Variants in METTL25B observed in about 807,000 individuals in gnomAD.
METTL25B encodes methyltransferase-like protein 25B.
A neutral mutation model predicts 48.4 loss-of-function variants in METTL25B; 38 were observed. That is an observed-to-expected ratio of 0.78 (90% CI 0.61 to 1.03). METTL25B has a LOEUF of 1.03. Among genes scored for constraint, METTL25B ranks in the 50% least tolerant of loss-of-function variants. The pLI is 0.00. For synonymous variants in METTL25B, 230 were observed against 254.5 expected (o/e 0.90, Z 0.92); for missense variants, 537 against 603.7 (o/e 0.89, Z 1.16).
chr1:156,730,115 A>G (rs1022144116), intron 1 of METTL25B, among the ~76,000 whole-genome samples: 1 of 152,274 alleles, frequency 6.6e-6, no homozygotes, highest in African/African-American at 2.4e-5. Context: ...GCCATTACCA[A>G]TTCTTCACTG....
intron 1 of METTL25B, 161 bp downstream of exon 1, chr1:156,729,376 T>C: frequency 2.0e-6 from 1 of 511,082 alleles, no homozygotes; most frequent in South Asian, 2.8e-5. Context: ...TGATCCCTCC[T>C]TTTTTTTCAG....
intron 1 of METTL25B, among the ~76,000 whole-genome samples, chr1:156,730,916 G>C (rs1649228915): frequency 6.6e-6 from 1 of 152,202 alleles, no homozygotes; most frequent in Admixed American, 6.5e-5. Flanking sequence ...GTACCTGGCC[G>C]AGAAGGTGTT....
At chr1:156,734,563 GCT>G (rs1264783889) in intron 6 of METTL25B, 70 bp downstream of exon 6, 28 of 1,442,012 alleles carry the variant, frequency 1.9e-5, no homozygotes, top group Non-Finnish European at 2.6e-5. Flanking sequence ...ATGGAGTCTG[GCT>G]CTGTTGCCCA....
In METTL25B at chr1:156,732,477, AG is replaced by A; in HGVS notation, c.429+6del. The A allele has an allele frequency of 6.2e-7, 1 of 1,612,784 alleles. No individual in the cohort carries two copies. ...TGAGATCCGGAGGCTGGGAGAGGTGAGGAGATGGCTGGAGCATGGGTGGTGT... is the reference window on the plus strand; with the variant it reads ...TGAGATCCGGAGGCTGGGAGAGGTGAGAGATGGCTGGAGCATGGGTGGTGT... On this transcript the variant is annotated splice_donor_5th_base_variant and intron_variant, in intron 3 of 7. Coordinates refer to ENST00000368216, the MANE Select transcript of METTL25B (RefSeq NM_015997.4).
Position 156,733,360 on chromosome 1 carries a change from C to A in METTL25B, c.493-17C>A, listed in dbSNP as rs572028992. On this transcript the variant is annotated splice_polypyrimidine_tract_variant and intron_variant, in intron 4 of 7. Coordinates refer to ENST00000368216, the MANE Select transcript of METTL25B (RefSeq NM_015997.4). ...GGGCACTGAACAGGGCTGTTTCCAT[C>A]CTCCTCGTGACTCCAGGGCCATCTC... 13 of 1,613,862 alleles carry A rather than the reference C, an allele frequency of 8.1e-6. No homozygotes were observed. The South Asian group carries it at 1.4e-4, about 18-fold the overall frequency.
chr1:156,734,536 C>CTT (rs746525460), intron 6 of METTL25B, 43 bp downstream of exon 6: 242 of 1,203,864 alleles, frequency 2.0e-4, no homozygotes, highest in Middle Eastern at 4.5e-4. Flanking sequence ...GAGGAGATTT[C>CTT]TTTTTTTTTT....
Position 156,732,111 on chromosome 1 carries a change from G to A in METTL25B, c.232G>A (p.Val78Ile), listed in dbSNP as rs770542884. Residue 78 changes from valine (V) to isoleucine (I), a missense_variant, in exon 2 of 8, where the codon GTC becomes ATC. Physicochemically the swap from Val to Ile is conservative, Grantham distance 29. Transcript: ENST00000368216. ...GGGGATGCCTGGGGAAGGGGAGGTCGTCAGGTATGGGCTAGAAGGTCCCTG... is the reference window on the plus strand; with the variant it reads ...GGGGATGCCTGGGGAAGGGGAGGTCATCAGGTATGGGCTAGAAGGTCCCTG... Reference protein sequence around the residue: ...LLGMPGEGEVVRYRSVWPLTL... With the variant: ...LLGMPGEGEVIRYRSVWPLTL... The A allele has an allele frequency of 3.5e-5, 56 of 1,614,070 alleles. No individual in the cohort carries two copies. Among genetic ancestry groups the A allele is most frequent in the Middle Eastern group, 1.6e-4 (1 of 6,078 alleles).
rs556659140 is a variant in METTL25B at position 156,734,842 on chromosome 1, T to C, written c.1121+349T>C. The stretch of plus-strand genomic sequence containing the variant: ...CACCGCACCCGGCCTGGAGGGGAGA[T>C]TTCTAACGGAGATCTTCTACCCTCA... On this transcript the variant is annotated intron_variant, in intron 6 of 7. Coordinates refer to ENST00000368216, the MANE Select transcript of METTL25B (RefSeq NM_015997.4). 3.7e-4 allele frequency among the ~76,000 whole-genome samples: 4 copies of C among 10,890 alleles called. 1 individual carries two copies. Among genetic ancestry groups the C allele is most frequent in the East Asian group, 0.056 (2 of 36 alleles). 7.1% of individuals were successfully genotyped at this position (10,890 alleles called of 152,430 possible). A position where few individuals can be genotyped will look rare whatever the true frequency, so the allele number is the denominator to read the frequency against.
intron 6 of METTL25B, 101 bp from the exon 7 acceptor site, chr1:156,735,624 A>G: frequency 1.4e-6 from 1 of 738,780 alleles, no homozygotes; most frequent in East Asian, 3.4e-5. Context: ...TGGGGTAGAA[A>G]ATAAAGCAAA....
At chr1:156,736,524 G>T in intron 7 of METTL25B, 108 bp from the exon 8 acceptor site, 2 of 1,375,606 alleles carry the variant, frequency 1.5e-6, no homozygotes, top group African/African-American at 1.4e-5. Context: ...CCTTAGCCCC[G>T]CTGGATCCTC....
Position 156,733,421 on chromosome 1 carries a change from G to A in METTL25B, c.537G>A (p.Val179=), listed in dbSNP as rs1649457298. The A allele has an allele frequency of 6.2e-7, 1 of 1,614,056 alleles. No homozygotes were observed. Among genetic ancestry groups the A allele is most frequent in the Non-Finnish European group, 8.5e-7 (1 of 1,179,950 alleles). The change falls in exon 5 of 8, where the codon GTG becomes GTA. Residue 179 remains valine (V), a synonymous_variant. Coordinates refer to ENST00000368216, the MANE Select transcript of METTL25B (RefSeq NM_015997.4). Reference sequence around the variant, plus strand: ...TGGCTCTTGGCCTGGGGTTGATGGTGAAGAGCATCGAAGGGGATCAGAGAC... The same window carrying A: ...TGGCTCTTGGCCTGGGGTTGATGGTAAAGAGCATCGAAGGGGATCAGAGAC... The part of the protein sequence containing the change: ...RFMALGLGLM[V]KSIEGDQRLV...
At chr1:156,731,623 T>C (rs1248472474) in intron 1 of METTL25B, among the ~76,000 whole-genome samples, 2 of 152,238 alleles carry the variant, frequency 1.3e-5, no homozygotes, top group African/African-American at 4.8e-5. Context: ...GTACTAATAC[T>C]GTGTGTCAGT....
intron 3 of METTL25B, 63 bp from the exon 4 acceptor site, chr1:156,732,922 T>C: frequency 2.9e-6 from 4 of 1,377,402 alleles, no homozygotes; most frequent in African/African-American, 1.4e-5. Flanking sequence ...ACTCTCAGTA[T>C]GGGTGTTTGC....
At chr1:156,733,070 T>A (rs769788078) in intron 4 of METTL25B, 23 bp downstream of exon 4, 52 of 1,610,242 alleles carry the variant, frequency 3.2e-5, no homozygotes, top group African/African-American at 4.0e-5. Flanking sequence ...CTTGATGTAC[T>A]GTTTTTTTGA....
rs1648975659 is a variant in METTL25B, at chr1:156,728,979, G to C, written c.-126G>C. The C allele has an allele frequency of 1.7e-6, 1 of 578,644 alleles. No homozygotes were observed. 35.8% of individuals were successfully genotyped at this position (578,644 alleles called of 1,614,324 possible). ...CCCGGAAAGGCAGCGTCGGAGACTG[G>C]ACCCAAAACTCTTCCTGTTCTGCCT... On this transcript the variant is annotated 5_prime_UTR_variant, in exon 1 of 8. Transcript: ENST00000368216.
chr1:156,735,717 TC>T lies in METTL25B; in HGVS notation c.1122-5del, dbSNP rs1279687035. 1 of 1,593,466 alleles carries T rather than the reference TC, an allele frequency of 6.3e-7. No homozygotes were observed. Among genetic ancestry groups the T allele is most frequent in the African/African-American group, 1.4e-5 (1 of 73,404 alleles). On this transcript the variant is annotated splice_polypyrimidine_tract_variant and splice_region_variant and intron_variant, in intron 6 of 7. Coordinates refer to ENST00000368216, the MANE Select transcript of METTL25B (RefSeq NM_015997.4). The stretch of plus-strand genomic sequence containing the variant: ...CAAACTGAGTGCTGAATGTGACTGA[TC>T]CCACAGATATGTGCAGCGGGGGCTA...
intron 1 of METTL25B, among the ~76,000 whole-genome samples, chr1:156,729,955 TCAA>T (rs1380313931): frequency 4.6e-5 from 7 of 152,210 alleles, no homozygotes; most frequent in Non-Finnish European, 1.0e-4. Context: ...ATCCAGTTCT[TCAA>T]CAAGTCCTCT....
At chr1:156,733,931 TC>T in intron 5 of METTL25B, 77 bp from the exon 6 acceptor site, 1 of 1,516,504 alleles carries the variant, frequency 6.6e-7, no homozygotes, top group Non-Finnish European at 8.8e-7. Context: ...GGAGGACAGA[TC>T]CCTTCCTGTG....
chr1:156,729,267 G>T, intron 1 of METTL25B, 52 bp downstream of exon 1: 1 of 1,059,350 alleles, frequency 9.4e-7, no homozygotes. Flanking sequence ...GGTTGGCTAG[G>T]TGCCCACGTC....
Sources: allele counts gnomAD v4.1 joint callset (sites outside exome capture counted in the v4.1 genomes callset), GRCh38; gene constraint gnomAD v4.1.1; transcripts MANE v1.5; gene names NCBI Gene and HGNC (gene_info 2026-07-23, HGNC 2026-07-21).